TENM3: variants seen among roughly 807,000 people sequenced by gnomAD.
TENM3 encodes teneurin transmembrane protein 3.
Under a neutral mutation model 255.1 loss-of-function variants are expected in TENM3, and 63 were observed. The observed-to-expected ratio is 0.25, with a 90% CI of 0.20 to 0.30. The LOEUF is 0.30. Ranked by LOEUF, TENM3 falls within the 10% of genes least tolerant of loss-of-function variation. The probability of loss-of-function intolerance (pLI) is 1.00; values close to 1 mark genes in which losing one functional copy is unlikely to be tolerated. For synonymous variants in TENM3, 1,306 were observed against 1,322.3 expected (o/e 0.99, Z 0.27); for missense variants, 2,929 against 3,461.1 (o/e 0.85, Z 3.86).
the TENM3 span, among the ~76,000 whole-genome samples, chr4:181,447,724 C>CA: frequency 9.8e-5 from 15 of 152,300 alleles, no homozygotes; most frequent in East Asian, 9.7e-4. Context: ...TGCTGACAGC[C>CA]AACCTACCCT....
chr4:181,454,639 T>A, the TENM3 span, among the ~76,000 whole-genome samples: 2 of 97,438 alleles, frequency 2.1e-5, no homozygotes, highest in Admixed American at 2.2e-4. Flanking sequence ...TATACCATTT[T>A]TTTCTGGTGT....
intron 5 of TENM3, among the ~76,000 whole-genome samples, chr4:182,647,067 A>C (rs1442844415): frequency 6.6e-6 from 1 of 152,218 alleles, no homozygotes; most frequent in African/African-American, 2.4e-5. Context: ...TTGAAGGAGC[A>C]AACACAGAGA....
chr4:182,491,866 A>G (rs1005233805), intron 3 of TENM3, among the ~76,000 whole-genome samples: 4 of 152,200 alleles, frequency 2.6e-5, no homozygotes, highest in Non-Finnish European at 5.9e-5. Flanking sequence ...GCAGAACAGT[A>G]ATTGGAAAGA....
the TENM3 span, among the ~76,000 whole-genome samples, chr4:181,576,807 T>C: frequency 6.9e-6 from 1 of 145,766 alleles, no homozygotes; most frequent in Non-Finnish European, 1.5e-5. Flanking sequence ...CTTTTCTTTC[T>C]TTTCTTTTTT....
chr4:182,346,827 A>C lies in TENM3; in HGVS notation c.409A>C (p.Arg137=), dbSNP rs775750635. The part of the protein sequence containing the change: ...SPEHAMRLWG[R]GVKSGRSSCL... ...AGAGCATGCCATGAGACTTTGGGGCAGGGGGGTCAAATCAGGCCGCAGCTC... is the reference window on the plus strand; with the variant it reads ...AGAGCATGCCATGAGACTTTGGGGCCGGGGGGTCAAATCAGGCCGCAGCTC... The change falls in exon 3 of 28, where the codon AGG becomes CGG. Residue 137 remains arginine (R), a synonymous_variant. Coordinates refer to ENST00000511685, the MANE Select transcript of TENM3 (RefSeq NM_001080477.4). The C allele has an allele frequency of 2.5e-6, 4 of 1,613,268 alleles. No individual in the cohort carries two copies. The highest frequency in any genetic ancestry group is 1.3e-5 in the African/African-American group (1 of 74,882).
intron 1 of TENM3, among the ~76,000 whole-genome samples, chr4:182,214,099 G>T (rs1402783398): frequency 6.6e-6 from 1 of 151,900 alleles, no homozygotes; most frequent in African/African-American, 2.4e-5. Context: ...ACCGCGCCTA[G>T]CCAGAAATGC....
intron 5 of TENM3, among the ~76,000 whole-genome samples, chr4:182,648,717 C>T (rs1752984800): frequency 6.6e-6 from 1 of 152,194 alleles, no homozygotes; most frequent in African/African-American, 2.4e-5. Context: ...CTATGCCAGC[C>T]ACTACCTGTT....
Position 182,754,402 on chromosome 4 carries a change from C to T in TENM3, c.4035C>T (p.Pro1345=), listed in dbSNP as rs555471582. ...TTATTAAGGTACGTCTGGAATGGCC[C>T]ACTGACCTAGCCATTAACCCTATGG... ...MHISQVRLEW[P]TDLAINPMDN... is the part of the protein sequence containing the mutation. Residue 1345 remains proline (P), a synonymous_variant, in exon 22 of 28, where the codon CCC becomes CCT. Coordinates refer to ENST00000511685, the MANE Select transcript of TENM3 (RefSeq NM_001080477.4). The surrounding 1 kb of genome is among the most constrained non-coding windows in gnomAD (Gnocchi z 5.1). The T allele has an allele frequency of 2.4e-5, 39 of 1,603,986 alleles. 2 individuals carry two copies. The South Asian group carries it at 4.0e-4, about 17-fold the overall frequency.
At chr4:181,686,167 C>T in the TENM3 span, among the ~76,000 whole-genome samples, 770 of 152,202 alleles carry the variant, frequency 5.1e-3, 5 homozygotes, top group African/African-American at 0.018. Flanking sequence ...AAGTCAGCAG[C>T]TGCAGATAGT....
intron 1 of TENM3, among the ~76,000 whole-genome samples, chr4:182,153,406 GT>G (rs1750479563): frequency 6.6e-6 from 1 of 152,012 alleles, no homozygotes. Flanking sequence ...CAAGTGTCAG[GT>G]TTTAAGATAC....
the TENM3 span, among the ~76,000 whole-genome samples, chr4:181,650,635 T>C: frequency 6.6e-6 from 1 of 152,262 alleles, no homozygotes; most frequent in Non-Finnish European, 1.5e-5. Context: ...CACAGGAAAA[T>C]ATGCAGTGAC....
chr4:181,712,898 C>A, the TENM3 span, among the ~76,000 whole-genome samples: 1 of 152,144 alleles, frequency 6.6e-6, no homozygotes, highest in Non-Finnish European at 1.5e-5. Flanking sequence ...TCTAATGTCA[C>A]AAGATGTTGG....
chr4:181,796,861 T>C, the TENM3 span, among the ~76,000 whole-genome samples: 1 of 152,196 alleles, frequency 6.6e-6, no homozygotes, highest in Non-Finnish European at 1.5e-5. Flanking sequence ...CCTACCCAGA[T>C]ATATGCATCC....
At chr4:181,604,040 G>A in the TENM3 span, among the ~76,000 whole-genome samples, 2 of 152,156 alleles carry the variant, frequency 1.3e-5, no homozygotes, top group African/African-American at 4.8e-5. Context: ...CGAGGAGGGT[G>A]GATCACGACG....
At chr4:182,243,980 A>G (rs1442257941) in intron 1 of TENM3, among the ~76,000 whole-genome samples, 52 of 130,552 alleles carry the variant, frequency 4.0e-4, no homozygotes, top group South Asian at 1.5e-3. Flanking sequence ...TTGAGACGGA[A>G]TCTCGCTCTG....
chr4:182,665,377 C>T (rs749417612), intron 6 of TENM3, among the ~76,000 whole-genome samples: 2 of 152,178 alleles, frequency 1.3e-5, no homozygotes, highest in Admixed American at 6.5e-5. Flanking sequence ...TTCTCATTGA[C>T]AATGTACCTA....
intron 1 of TENM3, among the ~76,000 whole-genome samples, chr4:182,316,008 C>T (rs1194106134): frequency 6.6e-6 from 1 of 152,030 alleles, no homozygotes; most frequent in African/African-American, 2.4e-5. Context: ...TAACCATTTT[C>T]ATGTCCTTCT....
At chr4:182,645,436 A>G (rs986979041) in intron 5 of TENM3, among the ~76,000 whole-genome samples, 1 of 152,148 alleles carries the variant, frequency 6.6e-6, no homozygotes, top group African/African-American at 2.4e-5. Context: ...ATTTTGGGGA[A>G]TACATGGAGG....
intron 25 of TENM3, among the ~76,000 whole-genome samples, chr4:182,790,290 G>C (rs981277433): frequency 6.6e-6 from 1 of 152,158 alleles, no homozygotes; most frequent in African/African-American, 2.4e-5. Context: ...GGCAGTTACT[G>C]TTCCACCCCT....
Sources: gnomAD v4.1 joint callset for allele counts (sites outside exome capture counted in the v4.1 genomes callset) on GRCh38, gnomAD v4.1.1 for gene constraint, Gnocchi (gnomAD v3.1) non-coding constraint, MANE v1.5 for transcripts, NCBI Gene and HGNC (gene_info 2026-07-23, HGNC 2026-07-21) for gene names.